The following TASOR variants were observed in gnomAD, a reference collection of about 807,000 sequenced individuals.
The protein encoded by TASOR is transcription activation suppressor.
A neutral mutation model predicts 178.6 loss-of-function variants in TASOR; 53 were observed. The ratio of observed to expected loss-of-function variants is 0.30; its 90% CI spans 0.24 to 0.37. The LOEUF (loss-of-function observed/expected upper bound fraction) is 0.37. Among genes scored for constraint, TASOR ranks in the 10% least tolerant of loss-of-function variants. The pLI is 1.00. For missense variants in TASOR, 1,815 were observed against 1,971.4 expected, an observed-to-expected ratio of 0.92 and a Z score of 1.50; for synonymous variants, 713 against 696.2, an observed-to-expected ratio of 1.02 and a Z score of -0.38.
intron 18 of TASOR, among the ~76,000 whole-genome samples, chr3:56,630,812 T>C (rs975434220): frequency 8.6e-5 from 13 of 151,192 alleles, no homozygotes; most frequent in African/African-American, 2.7e-4. Context: ...GCCATTACAC[T>C]CCACCCTGGG....
intron 1 of TASOR, among the ~76,000 whole-genome samples, chr3:56,678,672 A>C (rs2031534507): frequency 6.6e-6 from 1 of 152,222 alleles, no homozygotes; most frequent in Non-Finnish European, 1.5e-5. Flanking sequence ...ATATATACAT[A>C]AATTTAAAAA....
At chr3:56,676,554 T>G (rs1209530425) in intron 1 of TASOR, among the ~76,000 whole-genome samples, 1 of 152,184 alleles carries the variant, frequency 6.6e-6, no homozygotes, top group African/African-American at 2.4e-5. Context: ...TTTTAAAAGT[T>G]GGGTTATGAT....
At chr3:56,659,239 G>A (rs924772150) in intron 11 of TASOR, among the ~76,000 whole-genome samples, 1 of 151,856 alleles carries the variant, frequency 6.6e-6, no homozygotes, top group Non-Finnish European at 1.5e-5. Flanking sequence ...GCTCAACAAA[G>A]TGAGAAGTAA....
At chr3:56,669,255 G>A (rs2030403256) in intron 5 of TASOR, among the ~76,000 whole-genome samples, 1 of 152,122 alleles carries the variant, frequency 6.6e-6, no homozygotes, top group African/African-American at 2.4e-5. Context: ...TGTAATCCCA[G>A]CACTTTGGGA....
At chr3:56,663,619 T>C (rs2077646291) in intron 7 of TASOR, 47 bp from the exon 8 acceptor site, 3 of 1,287,656 alleles carry the variant, frequency 2.3e-6, no homozygotes, top group Non-Finnish European at 3.0e-6. Context: ...ATTAGTATAA[T>C]CATAAAAATT....
chr3:56,662,599 A>G, intron 8 of TASOR, 109 bp from the exon 9 acceptor site: 1 of 505,782 alleles, frequency 2.0e-6, no homozygotes. Context: ...AGGTTTAAGT[A>G]GGAGGGCAAA....
At chr3:56,665,907 T>TGCAGTGA (rs1401986425) in intron 7 of TASOR, among the ~76,000 whole-genome samples, 1 of 152,076 alleles carries the variant, frequency 6.6e-6, no homozygotes, top group African/African-American at 2.4e-5. Flanking sequence ...AGGCGGAGCT[T>TGCAGTGA]GCAGTGAGCC....
rs2076591510 is a variant in TASOR, at chr3:56,621,367, A to G, written c.*1670T>C. 2 of 452,918 alleles carry G rather than the reference A, an allele frequency of 4.4e-6. No individual in the cohort carries two copies. Among genetic ancestry groups the G allele is most frequent in the Admixed American group, 3.8e-5 (1 of 26,080 alleles). The allele number at this position is 452,918 out of a possible 1,614,324, so 28.1% of individuals were successfully genotyped here. A position where few individuals can be genotyped will look rare whatever the true frequency, so the allele number is the denominator to read the frequency against. On this transcript the variant is annotated 3_prime_UTR_variant, in exon 24 of 24. Transcript: ENST00000683822. Reference sequence around the variant, plus strand: ...AATCTTACAAATGTGATAGCTATATATCCAAATGAGGTGGTCTAGTACAAG... The same window carrying G: ...AATCTTACAAATGTGATAGCTATATGTCCAAATGAGGTGGTCTAGTACAAG...
intron 14 of TASOR, among the ~76,000 whole-genome samples, chr3:56,642,068 CAAG>C (rs1258921253): frequency 4.6e-5 from 7 of 152,138 alleles, no homozygotes; most frequent in Admixed American, 2.0e-4. Context: ...AGGTGCTTGA[CAAG>C]AGATGAAACA....
At chr3:56,651,240 G>A (rs995624361) in intron 11 of TASOR, among the ~76,000 whole-genome samples, 1 of 150,294 alleles carries the variant, frequency 6.7e-6, no homozygotes, top group Non-Finnish European at 1.5e-5. Context: ...TGCTCCTGTT[G>A]TCTCTATTTT....
chr3:56,676,082 G>A (rs1481651349), intron 1 of TASOR, among the ~76,000 whole-genome samples: 4 of 152,194 alleles, frequency 2.6e-5, no homozygotes, highest in Non-Finnish European at 5.9e-5. Flanking sequence ...AACACAAAGT[G>A]TCCTATAATC....
intron 8 of TASOR, among the ~76,000 whole-genome samples, chr3:56,662,746 T>C (rs983461301): frequency 6.6e-6 from 1 of 152,218 alleles, no homozygotes; most frequent in African/African-American, 2.4e-5. Flanking sequence ...AATGTCATTA[T>C]CAGAAAAGTT....
At chr3:56,666,643 C>T (rs1413807494) in intron 6 of TASOR, among the ~76,000 whole-genome samples, 4 of 152,090 alleles carry the variant, frequency 2.6e-5, no homozygotes, top group East Asian at 1.9e-4. Context: ...AGTTGACCAC[C>T]GGGAGTTTCC....
chr3:56,628,428 CAGTA>C, intron 19 of TASOR, 60 bp downstream of exon 19: 1 of 1,400,660 alleles, frequency 7.1e-7, no homozygotes. Flanking sequence ...GTCTGGCAGA[CAGTA>C]AGATTTTAAA....
rs2077290775 is a variant in TASOR at position 56,648,850 on chromosome 3, T to C, written c.1485A>G (p.Leu495=). ...TAACTATGCTTCTAGGTTCTTGAAA[T>C]AGAAACAAAGCATGTAGGACTCGAG... ...AKSRVLHALF[L]FQEPRSIVTS... Residue 495 remains leucine, a synonymous_variant, in exon 13 of 24, where the codon CTA becomes CTG. Transcript: ENST00000683822. 1 of 1,611,964 alleles carries C rather than the reference T, an allele frequency of 6.2e-7. No homozygotes were observed. The highest frequency in any genetic ancestry group is 1.3e-5 in the African/African-American group (1 of 74,974).
intron 21 of TASOR, among the ~76,000 whole-genome samples, chr3:56,626,707 C>T (rs891644121): frequency 6.6e-6 from 1 of 151,754 alleles, no homozygotes; most frequent in African/African-American, 2.4e-5. Flanking sequence ...CGTCCCATTG[C>T]ACTCCAGCCT....
chr3:56,627,462 A>G, intron 20 of TASOR, 120 bp downstream of exon 20: 1 of 1,110,674 alleles, frequency 9.0e-7, no homozygotes, highest in Non-Finnish European at 1.3e-6. Flanking sequence ...TGAGGTAATA[A>G]AAGCTCAAGA....
Position 56,665,799 on chromosome 3 carries a change from G to A in TASOR, c.1022+461C>T, listed in dbSNP as rs534366535. 1.2e-4 allele frequency among the ~76,000 whole-genome samples: 18 copies of A among 152,070 alleles called. No individual in the cohort carries two copies. The South Asian group carries it at 3.5e-3, about 30-fold the overall frequency. ...ATCCTGGGTAACACAGTGAAACCCC[G>A]TCTCTACTAAAAATACAAAAAAATT... On this transcript the variant is annotated intron_variant, in intron 7 of 23. Transcript: ENST00000683822.
Position 56,623,032 on chromosome 3 carries a change from TAC to T in TASOR, c.*3_*4del, listed in dbSNP as rs781101919. On this transcript the variant is annotated 3_prime_UTR_variant, in exon 24 of 24. Coordinates refer to ENST00000683822, the MANE Select transcript of TASOR (RefSeq NM_001365635.2). Reference sequence around the variant, plus strand: ...AACAATCTCTTAAAAAAAAAGTTACTACAGTTATTTCTCTTGTGAATATGGCC... The same window carrying T: ...AACAATCTCTTAAAAAAAAAGTTACTAGTTATTTCTCTTGTGAATATGGCC... 5 of 1,506,208 alleles carry T rather than the reference TAC, an allele frequency of 3.3e-6. No individual in the cohort carries two copies. Among genetic ancestry groups the T allele is most frequent in the South Asian group, 2.9e-5 (2 of 69,890 alleles). The allele number at this position is 1,506,208 out of a possible 1,614,324, so 93.3% of individuals were successfully genotyped here.
Sources: allele counts gnomAD v4.1 joint callset (sites outside exome capture counted in the v4.1 genomes callset), GRCh38; gene constraint gnomAD v4.1.1; transcripts MANE v1.5; gene names NCBI Gene and HGNC (gene_info 2026-07-23, HGNC 2026-07-21).